Variants in METTL24 observed in about 807,000 individuals in gnomAD.
The protein encoded by METTL24 is probable methyltransferase-like protein 24.
METTL24 carries 29 observed loss-of-function variants against 32.7 expected under a neutral mutation model. The observed-to-expected ratio is 0.89, with a 90% CI of 0.66 to 1.21. The LOEUF is 1.21. Ranked by LOEUF, METTL24 falls within the 50% of genes most tolerant of loss-of-function variation. The pLI is 0.00. For missense variants in METTL24, 439 were observed against 468.1 expected, an observed-to-expected ratio of 0.94 and a Z score of 0.57; for synonymous variants, 163 against 179.5, an observed-to-expected ratio of 0.91 and a Z score of 0.73.
At chr6:110,276,634 A>G (rs1771051940) in intron 4 of METTL24, among the ~76,000 whole-genome samples, 1 of 152,188 alleles carries the variant, frequency 6.6e-6, no homozygotes, top group African/African-American at 2.4e-5. Context: ...TTTCTAGGCC[A>G]CAAGATACCA....
chr6:110,334,183 C>G (rs779104034), intron 1 of METTL24, among the ~76,000 whole-genome samples: 1 of 152,166 alleles, frequency 6.6e-6, no homozygotes, highest in African/African-American at 2.4e-5. Context: ...CCCGGGGGCC[C>G]ACAGGGCTCC....
rs1778120780 is a variant in METTL24, at chr6:110,244,854, G to T, written c.*1092C>A. ...ACCATATTACTCATGGACTTATAAT[G>T]AAGTAATCATTAAAGGCCTTACTTC... On this transcript the variant is annotated 3_prime_UTR_variant, in exon 5 of 5. Transcript: ENST00000338882. 6.6e-6 allele frequency among the ~76,000 whole-genome samples: 1 copy of T among 152,272 alleles called. No individual in the cohort carries two copies. Among genetic ancestry groups the T allele is most frequent in the African/African-American group, 2.4e-5 (1 of 41,556 alleles).
intron 2 of METTL24, among the ~76,000 whole-genome samples, chr6:110,321,054 T>C (rs1459710952): frequency 2.0e-5 from 3 of 152,058 alleles, no homozygotes; most frequent in African/African-American, 7.2e-5. Context: ...CTGGCCAACA[T>C]GGCAAAACCC....
intron 4 of METTL24, among the ~76,000 whole-genome samples, chr6:110,248,930 T>G (rs549964393): frequency 1.3e-5 from 2 of 152,132 alleles, no homozygotes; most frequent in East Asian, 3.9e-4. Context: ...TAATCAAAAC[T>G]TTGTAAAATT....
At chr6:110,346,065 T>C (rs2114775742) in intron 1 of METTL24, among the ~76,000 whole-genome samples, 1 of 152,362 alleles carries the variant, frequency 6.6e-6, no homozygotes, top group East Asian at 1.9e-4. Context: ...ACTTCTGTTC[T>C]GCAGCCACTG....
intron 4 of METTL24, among the ~76,000 whole-genome samples, chr6:110,278,058 T>G (rs764187414): frequency 2.0e-5 from 3 of 152,296 alleles, no homozygotes; most frequent in Non-Finnish European, 4.4e-5. Context: ...CCACCGATGA[T>G]GATATTAGTG....
intron 3 of METTL24, among the ~76,000 whole-genome samples, chr6:110,304,781 C>T (rs1030361955): frequency 1.3e-5 from 2 of 152,162 alleles, no homozygotes; most frequent in African/African-American, 4.8e-5. Flanking sequence ...GACAGGCTAA[C>T]ATCCAAATTC....
chr6:110,264,597 T>C (rs1485298630), intron 4 of METTL24, among the ~76,000 whole-genome samples: 1 of 152,182 alleles, frequency 6.6e-6, no homozygotes, highest in East Asian at 1.9e-4. Flanking sequence ...AGAAATACCA[T>C]TTGACCCAGC....
intron 1 of METTL24, among the ~76,000 whole-genome samples, chr6:110,341,061 T>C (rs1423975160): frequency 6.6e-6 from 1 of 152,190 alleles, no homozygotes; most frequent in Non-Finnish European, 1.5e-5. Context: ...CTGTTTTTCC[T>C]ATTAAGTTAA....
chr6:110,266,631 G>A (rs562859754), intron 4 of METTL24, among the ~76,000 whole-genome samples: 3 of 152,014 alleles, frequency 2.0e-5, no homozygotes, highest in Non-Finnish European at 4.4e-5. Context: ...AATCTACAAT[G>A]CTTAGCAAAA....
intron 2 of METTL24, among the ~76,000 whole-genome samples, chr6:110,319,459 A>AGATAGATAGATG (rs1345101899): frequency 5.3e-5 from 8 of 149,652 alleles, no homozygotes; most frequent in Non-Finnish European, 8.9e-5. Context: ...ATAGATAGAT[A>AGATAGATAGATG]GATGACAGAC....
At chr6:110,347,870 C>T (rs1037374541) in intron 1 of METTL24, among the ~76,000 whole-genome samples, 3 of 152,176 alleles carry the variant, frequency 2.0e-5, no homozygotes, top group Admixed American at 2.0e-4. Context: ...ATGGGGAATA[C>T]ATTTATAATA....
intron 3 of METTL24, among the ~76,000 whole-genome samples, chr6:110,301,469 G>A (rs1771515923): frequency 6.6e-6 from 1 of 152,176 alleles, no homozygotes; most frequent in South Asian, 2.1e-4. Context: ...GAGTGTGCCA[G>A]TCCAGATCCT....
At chr6:110,308,257 C>T (rs938348792) in intron 3 of METTL24, among the ~76,000 whole-genome samples, 5 of 152,220 alleles carry the variant, frequency 3.3e-5, no homozygotes, top group African/African-American at 1.2e-4. Context: ...AGTAGTACTG[C>T]AGTCCCATGC....
chr6:110,356,882 C>T (rs1297674905), intron 1 of METTL24, among the ~76,000 whole-genome samples: 1 of 152,118 alleles, frequency 6.6e-6, no homozygotes, highest in Non-Finnish European at 1.5e-5. Context: ...AAACGGAGGG[C>T]GAGGCCCGAA....
At chr6:110,298,105 C>T (rs949319309) in intron 4 of METTL24, among the ~76,000 whole-genome samples, 1 of 152,160 alleles carries the variant, frequency 6.6e-6, no homozygotes, top group Non-Finnish European at 1.5e-5. Context: ...GTCTCAGGCA[C>T]ACTGTTTCTC....
rs371917183 is a variant in METTL24 at position 110,269,642 on chromosome 6, TTTTG to T, written c.787-23386_787-23383del. 2.8e-3 allele frequency among the ~76,000 whole-genome samples: 434 copies of T among 152,298 alleles called. 2 individuals carry two copies. The highest frequency in any genetic ancestry group is 9.3e-3 in the African/African-American group (385 of 41,556). ...CTAATATGAATTTAGGAAGAAGTTT[TTTTG>T]TTTGTTTGTTTGTTTTGTTTTGTTT... On this transcript the variant is annotated intron_variant, in intron 4 of 4. Coordinates refer to ENST00000338882, the MANE Select transcript of METTL24 (RefSeq NM_001123364.3).
chr6:110,306,195 T>C (rs996482223), intron 3 of METTL24, among the ~76,000 whole-genome samples: 1 of 151,812 alleles, frequency 6.6e-6, no homozygotes, highest in Non-Finnish European at 1.5e-5. Flanking sequence ...TTAGGAGAAA[T>C]ACCTAATGTA....
intron 1 of METTL24, among the ~76,000 whole-genome samples, chr6:110,350,326 T>C (rs75713505): frequency 0.011 from 1,663 of 152,246 alleles, 28 homozygotes; most frequent in African/African-American, 0.038. Flanking sequence ...CTCTTCTTTT[T>C]CTCTCCAGGA....
Sources: allele counts gnomAD v4.1 joint callset (sites outside exome capture counted in the v4.1 genomes callset), GRCh38; gene constraint gnomAD v4.1.1; transcripts MANE v1.5; gene names NCBI Gene and HGNC (gene_info 2026-07-23, HGNC 2026-07-21).